Variants in GPHN observed in about 807,000 individuals in gnomAD.
GPHN encodes gephyrin.
GPHN carries 17 observed loss-of-function variants against 95.5 expected under a neutral mutation model. That is an observed-to-expected ratio of 0.18 (90% CI 0.12 to 0.27). The LOEUF (loss-of-function observed/expected upper bound fraction) is 0.27, where lower values mean the gene tolerates loss of function less well. GPHN is among the 10% of genes least tolerant of loss of function. The pLI is 1.00. For missense variants in GPHN, 660 were observed against 978.1 expected (o/e 0.67, Z 4.34); for synonymous variants, 320 against 322.5 (o/e 0.99, Z 0.08).
the GPHN span, among the ~76,000 whole-genome samples, chr14:67,508,761 A>AAAAAAAAAAAAAAAAAAAC: frequency 3.3e-5 from 5 of 149,728 alleles, no homozygotes; most frequent in Admixed American, 2.7e-4. Flanking sequence ...CTCAAAAAAA[A>AAAAAAAAAAAAAAAAAAAC]AAAAAAAAAA....
chr14:67,051,280 C>A (rs560456052), intron 10 of GPHN, among the ~76,000 whole-genome samples: 1 of 152,270 alleles, frequency 6.6e-6, no homozygotes, highest in East Asian at 1.9e-4. Flanking sequence ...CCTGATGGAG[C>A]TGAAAAACAC....
chr14:67,390,631 G>C, the GPHN span: 1 of 1,473,962 alleles, frequency 6.8e-7, no homozygotes, highest in South Asian at 1.1e-5. Flanking sequence ...ATCACAACAT[G>C]GGACCAACAT....
At chr14:67,284,939 C>T in the GPHN span, among the ~76,000 whole-genome samples, 5 of 151,980 alleles carry the variant, frequency 3.3e-5, no homozygotes, top group Admixed American at 6.6e-5. Flanking sequence ...TTTGTAGAGA[C>T]GGGATCTCAC....
At chr14:67,118,147 A>T (rs188601932) in intron 16 of GPHN, among the ~76,000 whole-genome samples, 1 of 152,344 alleles carries the variant, frequency 6.6e-6, no homozygotes, top group East Asian at 1.9e-4. Flanking sequence ...ACAAGAAAAA[A>T]AGAGAAGTTA....
intron 9 of GPHN, among the ~76,000 whole-genome samples, chr14:66,992,296 T>C (rs533330129): frequency 6.6e-6 from 1 of 152,216 alleles, no homozygotes; most frequent in East Asian, 1.9e-4. Flanking sequence ...TGGAAAGTGA[T>C]GAAATGGAAG....
At chr14:66,535,154 T>C (rs995709693) in intron 1 of GPHN, among the ~76,000 whole-genome samples, 2 of 152,102 alleles carry the variant, frequency 1.3e-5, no homozygotes, top group African/African-American at 4.8e-5. Flanking sequence ...AATTATCTTA[T>C]AATGAATGAT....
the GPHN span, chr14:67,472,875 T>G: frequency 6.4e-6 from 1 of 155,836 alleles, no homozygotes; most frequent in Admixed American, 6.2e-5. Flanking sequence ...CAAGGGAGGG[T>G]CTCCCAGCCC....
the GPHN span, among the ~76,000 whole-genome samples, chr14:67,474,914 C>CTTTTTTTTTTTTTTT: frequency 8.0e-6 from 1 of 124,958 alleles, no homozygotes; most frequent in Non-Finnish European, 1.6e-5. Context: ...GAATTTCCTT[C>CTTTTTTTTTTTTTTT]TTTTTTTTTT....
the GPHN span, chr14:67,241,044 C>G: frequency 6.6e-6 from 1 of 152,296 alleles, no homozygotes; most frequent in Admixed American, 6.5e-5. Flanking sequence ...CCTCGCGTCC[C>G]CACAAAGCCC....
intron 16 of GPHN, among the ~76,000 whole-genome samples, chr14:67,118,069 G>A (rs2078793285): frequency 6.6e-6 from 1 of 152,100 alleles, no homozygotes; most frequent in Non-Finnish European, 1.5e-5. Context: ...ACAATGTTGG[G>A]GAGGGAAAAA....
chr14:67,636,692 T>A, the GPHN span, among the ~76,000 whole-genome samples: 1 of 152,336 alleles, frequency 6.6e-6, no homozygotes, highest in East Asian at 1.9e-4. Flanking sequence ...AAAGGTAACA[T>A]CTGGGCCTGA....
At chr14:67,535,242 G>GAAGT in the GPHN span, among the ~76,000 whole-genome samples, 1 of 152,124 alleles carries the variant, frequency 6.6e-6, no homozygotes, top group Non-Finnish European at 1.5e-5. Flanking sequence ...AACTATGGCT[G>GAAGT]AAGTACAGGC....
the GPHN span, among the ~76,000 whole-genome samples, chr14:67,655,223 G>A: frequency 3.3e-5 from 5 of 151,430 alleles, no homozygotes; most frequent in South Asian, 4.2e-4. Flanking sequence ...TGCCTGTATC[G>A]CAGCTACACA....
the GPHN span, chr14:67,645,663 G>C: frequency 6.2e-7 from 1 of 1,613,768 alleles, no homozygotes; most frequent in South Asian, 1.1e-5. Flanking sequence ...GGTACCATTA[G>C]TGGCCATGCC....
chr14:66,594,305 G>GA (rs59228683), intron 1 of GPHN, among the ~76,000 whole-genome samples: 22 of 150,036 alleles, frequency 1.5e-4, no homozygotes, highest in South Asian at 2.1e-4. Flanking sequence ...CCCAGAAATA[G>GA]AAAAAAAAAA....
intron 6 of GPHN, among the ~76,000 whole-genome samples, chr14:66,918,177 A>G (rs2066009874): frequency 6.6e-6 from 1 of 152,228 alleles, no homozygotes; most frequent in Non-Finnish European, 1.5e-5. Context: ...CATAGGGCAG[A>G]GTCTAACAGA....
the GPHN span, among the ~76,000 whole-genome samples, chr14:67,607,699 T>A: frequency 6.6e-6 from 1 of 152,162 alleles, no homozygotes; most frequent in Non-Finnish European, 1.5e-5. Flanking sequence ...TCCCAAGTTA[T>A]TTTTAGGGAG....
At chr14:66,599,379 C>CT (rs1199618130) in intron 1 of GPHN, among the ~76,000 whole-genome samples, 103 of 93,450 alleles carry the variant, frequency 1.1e-3, no homozygotes, top group Middle Eastern at 5.6e-3. Context: ...TCTGATTTTA[C>CT]ATTTTTTTTT....
At chr14:67,698,953 C>G in the GPHN span, among the ~76,000 whole-genome samples, 4 of 152,006 alleles carry the variant, frequency 2.6e-5, no homozygotes, top group African/African-American at 9.7e-5. Context: ...AAAGAGAACT[C>G]TAAAGAAGAT....
Sources: gnomAD v4.1 joint callset for allele counts (sites outside exome capture counted in the v4.1 genomes callset) on GRCh38, gnomAD v4.1.1 for gene constraint, MANE v1.5 for transcripts, NCBI Gene and HGNC (gene_info 2026-07-23, HGNC 2026-07-21) for gene names.